The following ZNF44 variants were observed in gnomAD, a reference collection of about 807,000 sequenced individuals.
ZNF44 encodes the protein gonadotropin inducible transcription repressor-2.
In ZNF44, 9 loss-of-function variants were observed where a neutral mutation model predicts 11.7. That is an observed-to-expected ratio of 0.77 (90% CI 0.46 to 1.35). The LOEUF (loss-of-function observed/expected upper bound fraction) is 1.35. Among genes scored for constraint, ZNF44 ranks in the 40% most tolerant of loss-of-function variants. The pLI is 0.00. For missense variants in ZNF44, 696 were observed against 743.1 expected (o/e 0.94, Z 0.74); for synonymous variants, 224 against 242.7 (o/e 0.92, Z 0.72).
downstream of ZNF44, among the ~76,000 whole-genome samples, chr19:12,271,004 A>T (rs905101124): frequency 2.6e-5 from 4 of 152,174 alleles, no homozygotes; most frequent in Non-Finnish European, 5.9e-5. Flanking sequence ...GTTGGTGGAA[A>T]GGAAACTGAA....
intron 1 of ZNF44, chr19:12,293,476 G>A: frequency 8.2e-7 from 1 of 1,223,558 alleles, no homozygotes; most frequent in Non-Finnish European, 1.1e-6. Context: ...CAAAGGTTTG[G>A]TTTTTTTTAC....
At chr19:12,262,317 C>T (rs1917538772) in intron 5 of ZNF44, among the ~76,000 whole-genome samples, 1 of 151,998 alleles carries the variant, frequency 6.6e-6, no homozygotes, top group East Asian at 1.9e-4. Context: ...GATGCCCAGG[C>T]TGGAGTGCAA....
At chr19:12,228,623 ATCTC>A (rs969760087) in intron 3 of ZNF44, among the ~76,000 whole-genome samples, 12 of 152,156 alleles carry the variant, frequency 7.9e-5, no homozygotes, top group Non-Finnish European at 1.6e-4. Context: ...TGTTGTAAAC[ATCTC>A]TCTCTTTAAA....
chr19:12,234,303 T>C (rs1916290164), intron 2 of ZNF44, among the ~76,000 whole-genome samples: 1 of 152,234 alleles, frequency 6.6e-6, no homozygotes, highest in South Asian at 2.1e-4. Flanking sequence ...CTTCAACATC[T>C]ATGTTACAGT....
chr19:12,279,487 C>A (rs1258416536), intron 1 of ZNF44, among the ~76,000 whole-genome samples: 1 of 151,796 alleles, frequency 6.6e-6, no homozygotes, highest in Non-Finnish European at 1.5e-5. Context: ...AATACCCCCA[C>A]CCCCAAAAAA....
chr19:12,250,828 C>T lies in ZNF44; in HGVS notation c.1913-460G>A, dbSNP rs528960065. On this transcript the variant is annotated intron_variant and NMD_transcript_variant, in intron 5 of 7. Transcript: ENST00000393337. ...TCACTAAGCATGAGAACAAGAGGCA[C>T]GTGGAAATCAAACTTGTAACAATAT... The T allele has an allele frequency of 1.8e-4, 83 of 456,170 alleles. 1 individual carries two copies. Among genetic ancestry groups the T allele is most frequent in the African/African-American group, 1.5e-3 (74 of 50,178 alleles). 28.3% of individuals were successfully genotyped at this position (456,170 alleles called of 1,614,324 possible).
downstream of ZNF44, among the ~76,000 whole-genome samples, chr19:12,225,803 T>A (rs2085225008): frequency 6.6e-6 from 1 of 152,220 alleles, no homozygotes; most frequent in African/African-American, 2.4e-5. Context: ...CTGAATAGGA[T>A]GAGTAATTCT....
At chr19:12,234,485 A>T (rs565978673) in intron 2 of ZNF44, among the ~76,000 whole-genome samples, 2 of 152,230 alleles carry the variant, frequency 1.3e-5, no homozygotes, top group Non-Finnish European at 2.9e-5. Context: ...TAGACCGAGA[A>T]AAATCATTAT....
In ZNF44 at chr19:12,228,755, G is replaced by T. The variant is rs1916027380; in HGVS notation, n.436+1705C>A. Among the ~76,000 whole-genome samples the T allele has an allele frequency of 2.6e-5, 4 of 152,122 alleles. No individual in the cohort carries two copies. The South Asian group carries it at 8.3e-4, about 32-fold the overall frequency. ...AAAACAAACTTCCTTCATGCCTGTGGACTAGACTGCCTAAGTCCATAAGAT... is the reference window on the plus strand; with the variant it reads ...AAAACAAACTTCCTTCATGCCTGTGTACTAGACTGCCTAAGTCCATAAGAT... On this transcript the variant is annotated intron_variant and non_coding_transcript_variant, in intron 3 of 3. Transcript: ENST00000597563.
At chr19:12,247,593 C>A, downstream of ZNF44, 1 of 1,333,028 alleles carries the variant, frequency 7.5e-7, no homozygotes. Context: ...TGTTTTCCCA[C>A]ATTTTTTACA....
chr19:12,282,698 C>G (rs1259558336), intron 1 of ZNF44, among the ~76,000 whole-genome samples: 1 of 152,134 alleles, frequency 6.6e-6, no homozygotes, highest in Admixed American at 6.5e-5. Flanking sequence ...GCTGGGATTA[C>G]AGGCATGAGA....
At chr19:12,294,463 G>C (rs1968157927) in intron 1 of ZNF44, among the ~76,000 whole-genome samples, 1 of 152,224 alleles carries the variant, frequency 6.6e-6, no homozygotes, top group African/African-American at 2.4e-5. Flanking sequence ...GGGCGCCGGG[G>C]CCGGGGCCGC....
intron 5 of ZNF44, chr19:12,266,409 A>G (rs985654388): frequency 2.2e-6 from 2 of 925,838 alleles, no homozygotes; most frequent in African/African-American, 1.8e-5. Context: ...GAGGGCGCCA[A>G]GGCGAGAGGG....
At chr19:12,293,304 C>T (rs1468514161) in intron 1 of ZNF44, 6 of 1,536,904 alleles carry the variant, frequency 3.9e-6, no homozygotes, top group Non-Finnish European at 5.2e-6. Flanking sequence ...GGCCGATATC[C>T]ACTAGGCCCT....
At chr19:12,285,280 A>AT (rs1307688579) in intron 1 of ZNF44, 2 of 274,128 alleles carry the variant, frequency 7.3e-6, no homozygotes, top group Non-Finnish European at 1.3e-5. Context: ...TTTGAGACAG[A>AT]TTTTCACTCT....
intron 2 of ZNF44, among the ~76,000 whole-genome samples, chr19:12,231,005 A>G (rs1438617677): frequency 6.6e-6 from 1 of 152,098 alleles, no homozygotes; most frequent in Non-Finnish European, 1.5e-5. Context: ...TTTGTGGTTT[A>G]TGATCATGCT....
In ZNF44 at chr19:12,294,851, CA is replaced by C. The variant is rs1968183564; in HGVS notation, c.-158del. ...AAGAGGCCACTAGCTCCTGGAACGTCACACCCTCCTCTCTGCCTCGCGCCTG... is the reference window on the plus strand; with the variant it reads ...AAGAGGCCACTAGCTCCTGGAACGTCCACCCTCCTCTCTGCCTCGCGCCTG... On this transcript the variant is annotated 5_prime_UTR_variant, in exon 1 of 4. Transcript: ENST00000355684. 1 of 787,538 alleles carries C rather than the reference CA, an allele frequency of 1.3e-6. No homozygotes were observed. The highest frequency in any genetic ancestry group is 1.9e-5 in the African/African-American group (1 of 53,598). The allele number at this position is 787,538 out of a possible 1,614,324, so 48.8% of individuals were successfully genotyped here.
intron 3 of ZNF44, among the ~76,000 whole-genome samples, chr19:12,227,327 G>C (rs540808448): frequency 1.3e-5 from 2 of 152,222 alleles, no homozygotes; most frequent in Admixed American, 1.3e-4. Context: ...TAGGCCGGGC[G>C]TGGTGGCTGA....
exon 8 of ZNF44, chr19:12,248,412 A>G (rs1456493970): frequency 2.3e-6 from 3 of 1,290,978 alleles, no homozygotes; most frequent in Non-Finnish European, 3.0e-6. Flanking sequence ...AAAAGACTGC[A>G]GATAACTGAA....
Sources: gnomAD v4.1 joint callset for allele counts (sites outside exome capture counted in the v4.1 genomes callset) on GRCh38, gnomAD v4.1.1 for gene constraint, MANE v1.5 for transcripts, NCBI Gene and HGNC (gene_info 2026-07-23, HGNC 2026-07-21) for gene names.